Variants in CDC42SE2 observed in about 807,000 individuals in gnomAD.
CDC42SE2 encodes CDC42 small effector 2, also known as CDC42 small effector protein 2.
Under a neutral mutation model 11.5 loss-of-function variants are expected in CDC42SE2, and 3 were observed. The observed-to-expected ratio is 0.26, with a 90% confidence interval of 0.12 to 0.67. The LOEUF (loss-of-function observed/expected upper bound fraction) is 0.67. CDC42SE2 is among the 30% of genes least tolerant of loss of function. The pLI is 0.80. For missense variants in CDC42SE2, 82 were observed against 106.8 expected, an observed-to-expected ratio of 0.77 and a Z score of 1.02; for synonymous variants, 33 against 34.8, an observed-to-expected ratio of 0.95 and a Z score of 0.18.
In CDC42SE2 at chr5:131,394,563, T is replaced by G. The variant is rs190741738; in HGVS notation, c.*3472T>G. 6.6e-6 allele frequency: 1 copy of G among 152,396 alleles called. No homozygotes were observed. The highest frequency in any genetic ancestry group is 1.5e-5 in the Non-Finnish European group (1 of 68,010). The allele number at this position is 152,396 out of a possible 1,614,324, so 9.4% of individuals were successfully genotyped here. A position where few individuals can be genotyped will look rare whatever the true frequency, so the allele number is the denominator to read the frequency against. Reference sequence around the variant, plus strand: ...ACATATTTTTATAATATAAGCATACTTTTTTTGTACATTGTGTTCATTCTT... The same window carrying G: ...ACATATTTTTATAATATAAGCATACGTTTTTTGTACATTGTGTTCATTCTT... On this transcript the variant is annotated 3_prime_UTR_variant, in exon 5 of 5. Coordinates refer to ENST00000505065, the MANE Select transcript of CDC42SE2 (RefSeq NM_001375635.1).
In CDC42SE2 at chr5:131,390,993, G is replaced by A. The variant is rs77536056; in HGVS notation, c.157G>A (p.Val53Ile). The A allele has an allele frequency of 6.2e-7, 1 of 1,607,544 alleles. No homozygotes were observed. The highest frequency in any genetic ancestry group is 1.1e-5 in the South Asian group (1 of 90,954). Residue 53 changes from valine (V) to isoleucine (I), a missense_variant and splice_region_variant, in exon 5 of 5, where the codon GTT (valine) becomes ATT (isoleucine). Physicochemically the swap from Val to Ile is conservative, Grantham distance 29. Transcript: ENST00000505065. Reference protein sequence around the residue: ...SGDLFSGMNSVSSIQNQMQSK... With the variant: ...SGDLFSGMNSISSIQNQMQSK... ...TTGTTGTATTTTTGTCTTGTTTTAG[G>A]TTAGCTCCATTCAGAACCAAATGCA...
chr5:131,321,942 C>T (rs149431082), intron 2 of CDC42SE2, among the ~76,000 whole-genome samples: 5,335 of 152,248 alleles, frequency 0.035, 312 homozygotes, highest in African/African-American at 0.12. Context: ...GCTCCGCCTC[C>T]CGGGTTCATG....
intron 2 of CDC42SE2, among the ~76,000 whole-genome samples, chr5:131,340,751 C>CTTA (rs1758692709): frequency 6.6e-6 from 1 of 151,386 alleles, no homozygotes; most frequent in African/African-American, 2.4e-5. Context: ...GTGGCATGAT[C>CTTA]TTAGTCCATT....
At chr5:131,310,692 C>T (rs1225168415) in intron 1 of CDC42SE2, among the ~76,000 whole-genome samples, 1 of 152,086 alleles carries the variant, frequency 6.6e-6, no homozygotes, top group African/African-American at 2.4e-5. Flanking sequence ...ATCCCTTTAC[C>T]ATTATGTAAT....
At chr5:131,321,667 G>C (rs1758190287) in intron 2 of CDC42SE2, among the ~76,000 whole-genome samples, 2 of 152,128 alleles carry the variant, frequency 1.3e-5, no homozygotes, top group African/African-American at 4.8e-5. Flanking sequence ...GCTGTATTGA[G>C]GGAAGACAAC....
chr5:131,270,951 A>G (rs1301413671), intron 1 of CDC42SE2, among the ~76,000 whole-genome samples: 1 of 151,848 alleles, frequency 6.6e-6, no homozygotes, highest in Non-Finnish European at 1.5e-5. Flanking sequence ...ATAGGGGGGA[A>G]GGTGGGGGAA....
intron 1 of CDC42SE2, among the ~76,000 whole-genome samples, chr5:131,288,223 CAA>C (rs879292271): frequency 3.2e-5 from 4 of 125,872 alleles, no homozygotes; most frequent in African/African-American, 2.9e-5. Context: ...GACCCTGCCT[CAA>C]AAAAAAAAAA....
chr5:131,390,739 G>A (rs773542211), intron 4 of CDC42SE2, among the ~76,000 whole-genome samples: 8 of 152,064 alleles, frequency 5.3e-5, no homozygotes, highest in Admixed American at 2.6e-4. Flanking sequence ...CAAGTGCCTT[G>A]TGAATTACAA....
Position 131,392,828 on chromosome 5 carries a change from T to C in CDC42SE2, c.*1737T>C, listed in dbSNP as rs1019084909. 1.3e-5 allele frequency: 2 copies of C among 152,396 alleles called. No individual in the cohort carries two copies. The highest frequency in any genetic ancestry group is 4.8e-5 in the African/African-American group (2 of 41,464). 9.4% of individuals were successfully genotyped at this position (152,396 alleles called of 1,614,324 possible). On this transcript the variant is annotated 3_prime_UTR_variant, in exon 5 of 5. Coordinates refer to ENST00000505065, the MANE Select transcript of CDC42SE2 (RefSeq NM_001375635.1). ...AGTTTCTTGAACTTCTGGCCTGTAC[T>C]ACTAACTGCAGACCTCCAGAGTCAC...
intron 1 of CDC42SE2, among the ~76,000 whole-genome samples, chr5:131,249,522 A>G (rs565766159): frequency 2.0e-5 from 3 of 152,188 alleles, no homozygotes; most frequent in Non-Finnish European, 4.4e-5. Flanking sequence ...AAAATGAGGA[A>G]AGGAGGATCT....
At chr5:131,347,907 C>G (rs1758892642) in intron 2 of CDC42SE2, among the ~76,000 whole-genome samples, 1 of 152,178 alleles carries the variant, frequency 6.6e-6, no homozygotes, top group South Asian at 2.1e-4. Context: ...ACATGATTAT[C>G]TCAATAGATG....
At chr5:131,361,193 A>C (rs1294650370) in intron 3 of CDC42SE2, among the ~76,000 whole-genome samples, 1 of 151,934 alleles carries the variant, frequency 6.6e-6, no homozygotes, top group Non-Finnish European at 1.5e-5. Context: ...AATAAAGGGT[A>C]TATAATAAAG....
chr5:131,340,593 T>G (rs561347272), intron 2 of CDC42SE2, among the ~76,000 whole-genome samples: 1 of 152,292 alleles, frequency 6.6e-6, no homozygotes, highest in East Asian at 1.9e-4. Context: ...AAATTACAAT[T>G]AAAAACTGCA....
At chr5:131,387,332 T>C (rs542316621) in intron 4 of CDC42SE2, among the ~76,000 whole-genome samples, 42 of 152,342 alleles carry the variant, frequency 2.8e-4, no homozygotes, top group Admixed American at 2.6e-3. Context: ...GTGGATCATC[T>C]GAGCTCAGGA....
intron 3 of CDC42SE2, among the ~76,000 whole-genome samples, chr5:131,368,418 A>G (rs560393648): frequency 6.2e-4 from 94 of 152,152 alleles, no homozygotes; most frequent in Admixed American, 1.0e-3. Flanking sequence ...AGTTTGCATT[A>G]ATACTGTTTT....
At chr5:131,355,335 A>T (rs760615121) in intron 2 of CDC42SE2, among the ~76,000 whole-genome samples, 1 of 152,014 alleles carries the variant, frequency 6.6e-6, no homozygotes, top group Non-Finnish European at 1.5e-5. Context: ...AAGTTAGCCA[A>T]ATGTGGTGGC....
rs528986372 is a variant in CDC42SE2 at position 131,382,367 on chromosome 5, C to T, written c.55-3176C>T. On this transcript the variant is annotated intron_variant, in intron 3 of 4. Coordinates refer to ENST00000505065, the MANE Select transcript of CDC42SE2 (RefSeq NM_001375635.1). ...GGTGAGATGGGTGGTGGCCTGAGCACACTATGGTTTCTGTTCTCCCCCAAC... is the reference window on the plus strand; with the variant it reads ...GGTGAGATGGGTGGTGGCCTGAGCATACTATGGTTTCTGTTCTCCCCCAAC... Among the ~76,000 whole-genome samples, 35 of 152,334 alleles carry T rather than the reference C, an allele frequency of 2.3e-4. 1 individual carries two copies. In the South Asian group the frequency reaches 7.2e-3, roughly 32 times the overall value.
At chr5:131,313,264 G>A (rs1200509040) in intron 1 of CDC42SE2, among the ~76,000 whole-genome samples, 1 of 152,162 alleles carries the variant, frequency 6.6e-6, no homozygotes, top group African/African-American at 2.4e-5. Flanking sequence ...TTACAGGCAT[G>A]AGCCACCGCG....
At chr5:131,264,517 C>A (rs886850732) in intron 1 of CDC42SE2, among the ~76,000 whole-genome samples, 1 of 143,732 alleles carries the variant, frequency 7.0e-6, no homozygotes, top group Non-Finnish European at 1.5e-5. Flanking sequence ...CAACTTTTCA[C>A]GTCTGGAAGT....
Sources: gnomAD v4.1 joint callset for allele counts (sites outside exome capture counted in the v4.1 genomes callset) on GRCh38, gnomAD v4.1.1 for gene constraint, MANE v1.5 for transcripts, NCBI Gene and HGNC (gene_info 2026-07-23, HGNC 2026-07-21) for gene names.